The following TMEM132B variants were observed in gnomAD, a reference collection of about 807,000 sequenced individuals.
The protein encoded by TMEM132B is transmembrane protein 132B.
Under a neutral mutation model 90.8 loss-of-function variants are expected in TMEM132B, and 18 were observed. That is an observed-to-expected ratio of 0.20 (90% CI 0.14 to 0.29). The LOEUF is 0.29. Ranked by LOEUF, TMEM132B falls within the 10% of genes least tolerant of loss-of-function variation. The pLI is 1.00. For synonymous variants in TMEM132B, 504 were observed against 523.3 expected (o/e 0.96, Z 0.50); for missense variants, 1,096 against 1,326.8 (o/e 0.83, Z 2.70).
rs190076014 is a variant in TMEM132B at position 125,438,945 on chromosome 12, C to T, written c.1106+23268C>T. 2.0e-3 allele frequency among the ~76,000 whole-genome samples: 305 copies of T among 152,202 alleles called. 3 individuals carry two copies. The highest frequency in any genetic ancestry group is 6.8e-3 in the African/African-American group (282 of 41,528). ...GTAATATTCCATGATACAGACATTC[C>T]ATAATTTATTTTCCCATTCTTCTGT... On this transcript the variant is annotated intron_variant, in intron 3 of 8. Coordinates refer to ENST00000682704, the MANE Select transcript of TMEM132B (RefSeq NM_001366854.1).
At chr12:125,606,122 G>T (rs1885690039) in intron 5 of TMEM132B, among the ~76,000 whole-genome samples, 1 of 152,106 alleles carries the variant, frequency 6.6e-6, no homozygotes, top group South Asian at 2.1e-4. Flanking sequence ...GGATAGAAAG[G>T]GTTGGTGACC....
chr12:125,596,305 G>T (rs1345224144), intron 5 of TMEM132B, among the ~76,000 whole-genome samples: 2 of 152,140 alleles, frequency 1.3e-5, no homozygotes, highest in Non-Finnish European at 2.9e-5. Context: ...GGGGGTAGAC[G>T]AAGTGGATTA....
intron 5 of TMEM132B, among the ~76,000 whole-genome samples, chr12:125,604,679 T>A (rs1885650543): frequency 6.6e-6 from 1 of 152,156 alleles, no homozygotes; most frequent in Non-Finnish European, 1.5e-5. Flanking sequence ...ATATGAATCA[T>A]GCCAGGAGCT....
intron 3 of TMEM132B, among the ~76,000 whole-genome samples, chr12:125,422,876 G>A (rs1359518676): frequency 6.6e-6 from 1 of 152,216 alleles, no homozygotes; most frequent in African/African-American, 2.4e-5. Context: ...TGCCAGAAGT[G>A]TGAAAGAATA....
chr12:125,217,100 C>A (rs1873455408), intron 1 of TMEM132B, among the ~76,000 whole-genome samples: 1 of 152,216 alleles, frequency 6.6e-6, no homozygotes, highest in African/African-American at 2.4e-5. Flanking sequence ...GTGTAATTAG[C>A]AACATACGAT....
At chr12:125,532,999 G>A (rs1315072799) in intron 4 of TMEM132B, among the ~76,000 whole-genome samples, 3 of 152,108 alleles carry the variant, frequency 2.0e-5, no homozygotes, top group Admixed American at 6.5e-5. Flanking sequence ...TCTTGCTAGC[G>A]AGTCACTTTG....
chr12:125,536,842 G>A (rs879601816), intron 4 of TMEM132B, among the ~76,000 whole-genome samples: 1 of 142,122 alleles, frequency 7.0e-6, no homozygotes, highest in Non-Finnish European at 1.5e-5. Flanking sequence ...GGTTAAGGAT[G>A]TGAATCTGGG....
intron 1 of TMEM132B, among the ~76,000 whole-genome samples, chr12:125,195,619 C>T (rs570498261): frequency 5.3e-5 from 8 of 151,974 alleles, no homozygotes; most frequent in African/African-American, 1.7e-4. Context: ...AGGCTGGTCT[C>T]GAACTCCTGA....
chr12:125,574,048 A>G (rs1884873663), intron 4 of TMEM132B, among the ~76,000 whole-genome samples: 1 of 152,254 alleles, frequency 6.6e-6, no homozygotes, highest in Middle Eastern at 3.4e-3. Flanking sequence ...ATATTTAGAT[A>G]GTTTTTATCT....
intron 1 of TMEM132B, among the ~76,000 whole-genome samples, chr12:125,229,562 T>A (rs1435222481): frequency 6.6e-6 from 1 of 152,244 alleles, no homozygotes; most frequent in Non-Finnish European, 1.5e-5. Flanking sequence ...TGTATCTATC[T>A]ATCTGTCATC....
intron 1 of TMEM132B, among the ~76,000 whole-genome samples, chr12:125,275,505 T>G (rs1249849304): frequency 6.6e-6 from 1 of 152,194 alleles, no homozygotes; most frequent in African/African-American, 2.4e-5. Flanking sequence ...AGTGATCTGA[T>G]GTGGCTTTGA....
At chr12:125,530,045 A>G (rs1294020689) in intron 4 of TMEM132B, among the ~76,000 whole-genome samples, 1 of 152,054 alleles carries the variant, frequency 6.6e-6, no homozygotes. Context: ...AACCAAACAA[A>G]TGTATGTGGG....
chr12:125,298,598 C>T (rs1434460727), intron 1 of TMEM132B, among the ~76,000 whole-genome samples: 1 of 138,022 alleles, frequency 7.2e-6, no homozygotes, highest in Non-Finnish European at 1.5e-5. Flanking sequence ...CACTTGAACC[C>T]GGGAGGCAGA....
chr12:125,542,903 C>T (rs761309569), intron 4 of TMEM132B, among the ~76,000 whole-genome samples: 12 of 152,306 alleles, frequency 7.9e-5, no homozygotes, highest in Admixed American at 7.2e-4. Flanking sequence ...GCTAGACGAG[C>T]GTCAGCAATG....
At chr12:125,440,678 A>G (rs747718166) in intron 3 of TMEM132B, among the ~76,000 whole-genome samples, 3 of 152,230 alleles carry the variant, frequency 2.0e-5, no homozygotes, top group Non-Finnish European at 4.4e-5. Flanking sequence ...GTGTTGGTTC[A>G]GTTGCAATCT....
intron 1 of TMEM132B, among the ~76,000 whole-genome samples, chr12:125,262,543 G>A (rs111385663): frequency 9.2e-5 from 14 of 152,252 alleles, no homozygotes; most frequent in African/African-American, 2.6e-4. Flanking sequence ...TAGTTAAGGC[G>A]TGGGCTTGCC....
intron 1 of TMEM132B, among the ~76,000 whole-genome samples, chr12:125,304,663 T>C (rs1043460111): frequency 1.3e-5 from 2 of 152,118 alleles, no homozygotes; most frequent in African/African-American, 4.8e-5. Context: ...CAGGAACTAG[T>C]GTTTAAAAAT....
At chr12:125,197,942 CAT>C (rs781181319) in intron 1 of TMEM132B, among the ~76,000 whole-genome samples, 8 of 152,172 alleles carry the variant, frequency 5.3e-5, no homozygotes, top group East Asian at 1.9e-4. Flanking sequence ...AATAGTAGCA[CAT>C]GTGTGTGTGA....
At chr12:125,546,036 T>C (rs985359804) in intron 4 of TMEM132B, among the ~76,000 whole-genome samples, 6 of 152,222 alleles carry the variant, frequency 3.9e-5, no homozygotes, top group African/African-American at 7.2e-5. Flanking sequence ...CAGGGAATTT[T>C]AGCAAATGAA....
Sources: gnomAD v4.1 joint callset for allele counts (sites outside exome capture counted in the v4.1 genomes callset) on GRCh38, gnomAD v4.1.1 for gene constraint, MANE v1.5 for transcripts, NCBI Gene and HGNC (gene_info 2026-07-23, HGNC 2026-07-21) for gene names.